The following DCXR variants were observed in gnomAD, a reference collection of about 807,000 sequenced individuals.
The protein encoded by DCXR is L-xylulose reductase.
Under a neutral mutation model 25.9 loss-of-function variants are expected in DCXR, and 24 were observed. The ratio of observed to expected loss-of-function variants is 0.93; its 90% CI spans 0.67 to 1.30. DCXR has a LOEUF of 1.30. Among genes scored for constraint, DCXR ranks in the 50% most tolerant of loss-of-function variants. The pLI, the probability that DCXR is intolerant of heterozygous loss-of-function variation, is 0.00. For synonymous variants in DCXR, 161 were observed against 141.7 expected (o/e 1.14, Z -0.97); for missense variants, 348 against 333.7 (o/e 1.04, Z -0.33).
In DCXR at chr17:82,036,401, C is replaced by T. The variant is rs746517171; in HGVS notation, c.496G>A (p.Glu166Lys). The change falls in exon 6 of 8, where the codon GAG (glutamate) becomes AAG (lysine). Residue 166 changes from glutamate (E) to lysine (K), a missense_variant. Glu to Lys is a moderately conservative substitution (Grantham distance 56). Transcript: ENST00000306869. Reference protein sequence around the residue: ...LDMLTKVMALELGPHKIRVNA... With the variant: ...LDMLTKVMALKLGPHKIRVNA... Reference sequence around the variant, plus strand: ...CTGCTCACCTTGTGGGGCCCGAGCTCTAGGGCCATCACCTTGGTCAGCATG... The same window carrying T: ...CTGCTCACCTTGTGGGGCCCGAGCTTTAGGGCCATCACCTTGGTCAGCATG... The T allele has an allele frequency of 3.1e-6, 5 of 1,613,424 alleles. No homozygotes were observed. The highest frequency in any genetic ancestry group is 4.2e-6 in the Non-Finnish European group (5 of 1,179,992).
At position 82,037,482 on chromosome 17, in the gene DCXR, T is replaced by G. The variant is rs748809586; in HGVS notation, c.118A>C (p.Thr40Pro). 3.9e-6 allele frequency: 6 copies of G among 1,535,768 alleles called. No homozygotes were observed. Among genetic ancestry groups the G allele is most frequent in the East Asian group, 2.5e-5 (1 of 40,624 alleles). The change falls in exon 2 of 8, where the codon ACT (threonine) becomes CCT (proline). Residue 40 changes from threonine to proline, a missense_variant. Physicochemically the swap from Thr to Pro is conservative, Grantham distance 38. Transcript: ENST00000306869. ...TGARVVAVSRTQADLDSLVRE... is the reference protein window; with the variant it reads ...TGARVVAVSRPQADLDSLVRE... ...ACAAGGCTGTCAAGATCCGCCTGAG[T>G]CCGGCTCACAGCCACCACCCGCGCG... is the stretch of plus-strand genomic sequence containing the variant.
In DCXR at chr17:82,037,340, G is replaced by A. The variant is rs972805562; in HGVS notation, c.150+110C>T. 20 of 1,234,456 alleles carry A rather than the reference G, an allele frequency of 1.6e-5. No homozygotes were observed. The African/African-American group carries it at 3.2e-4, about 20-fold the overall frequency. 76.5% of individuals were successfully genotyped at this position (1,234,456 alleles called of 1,614,324 possible). A position where few individuals can be genotyped will look rare whatever the true frequency, so the allele number is the denominator to read the frequency against. ...GCGGGCGCCCAGGCCGCGGTGAGAA[G>A]CGCAGCGCCCGCGAGGGGAGGCGGA... On this transcript the variant is annotated intron_variant, in intron 2 of 7. Coordinates refer to ENST00000306869, the MANE Select transcript of DCXR (RefSeq NM_016286.4).
chr17:82,037,127 G>C, intron 2 of DCXR, 114 bp from the exon 3 acceptor site: 2 of 1,378,148 alleles, frequency 1.5e-6, no homozygotes, highest in Non-Finnish European at 2.0e-6. Flanking sequence ...GAGTTCCGAA[G>C]GTGTCGGGAC....
intron 2 of DCXR, 57 bp downstream of exon 2, chr17:82,037,393 C>A: frequency 1.3e-6 from 2 of 1,484,038 alleles, no homozygotes; most frequent in Non-Finnish European, 1.8e-6. Flanking sequence ...CGCCCCCGCT[C>A]GCTGCCGCCC....
In DCXR at chr17:82,036,076, CG is replaced by C; in HGVS notation, c.632-14del. On this transcript the variant is annotated splice_polypyrimidine_tract_variant and intron_variant, in intron 7 of 7. Transcript: ENST00000306869. ...ACGTGCTCTACCTCTGTGGGCAGGG[CG>C]GGGGTCAGGGGCATAGAGGAAGGAG... is the stretch of plus-strand genomic sequence containing the variant. 4 of 1,612,372 alleles carry C rather than the reference CG, an allele frequency of 2.5e-6. No individual in the cohort carries two copies. Among genetic ancestry groups the C allele is most frequent in the Middle Eastern group, 1.6e-4 (1 of 6,062 alleles).
chr17:82,037,335 G>A lies in DCXR; in HGVS notation c.150+115C>T, dbSNP rs1471181319. On this transcript the variant is annotated intron_variant, in intron 2 of 7. Coordinates refer to ENST00000306869, the MANE Select transcript of DCXR (RefSeq NM_016286.4). ...GGTGCGCGGGCGCCCAGGCCGCGGT[G>A]AGAAGCGCAGCGCCCGCGAGGGGAG... 4 of 1,201,178 alleles carry A rather than the reference G, an allele frequency of 3.3e-6. No homozygotes were observed. The East Asian group carries it at 1.2e-4, about 35-fold the overall frequency. The allele number at this position is 1,201,178 out of a possible 1,614,324, so 74.4% of individuals were successfully genotyped here.
In DCXR at chr17:82,037,511, G is replaced by A. The variant is rs753772586; in HGVS notation, c.89C>T (p.Thr30Met). The A allele has an allele frequency of 2.6e-5, 40 of 1,541,278 alleles. 1 individual carries two copies. In the South Asian group the frequency reaches 3.7e-4, roughly 14 times the overall value. Residue 30 changes from threonine to methionine, a missense_variant, in exon 2 of 8, where the codon ACG becomes ATG. By Grantham distance (81) the Thr-to-Met change is moderately conservative. Coordinates refer to ENST00000306869, the MANE Select transcript of DCXR (RefSeq NM_016286.4). ...GCTCACAGCCACCACCCGCGCGCCC[G>A]TCGCGTGCAGCGCCTGGACCGTGCC... ...GRGTVQALHATGARVVAVSRT... is the reference protein window; with the variant it reads ...GRGTVQALHAMGARVVAVSRT...
At position 82,037,519 on chromosome 17, in the gene DCXR, C is replaced by A. The variant is rs2043507317; in HGVS notation, c.81G>T (p.Leu27=). The change falls in exon 2 of 8, where the codon CTG becomes CTT. Residue 27 remains leucine (L), a synonymous_variant. Transcript: ENST00000306869. ...KGIGRGTVQA[L]HATGARVVAV... ...CCACCACCCGCGCGCCCGTCGCGTG[C>A]AGCGCCTGGACCGTGCCGCGCCCTA... 4 of 1,542,330 alleles carry A rather than the reference C, an allele frequency of 2.6e-6. No homozygotes were observed. The highest frequency in any genetic ancestry group is 3.5e-6 in the Non-Finnish European group (4 of 1,151,284).
At position 82,036,854 on chromosome 17, in the gene DCXR, C is replaced by T; in HGVS notation, c.305+5G>A. 1 of 1,613,434 alleles carries T rather than the reference C, an allele frequency of 6.2e-7. No homozygotes were observed. Among genetic ancestry groups the T allele is most frequent in the Non-Finnish European group, 8.5e-7 (1 of 1,179,976 alleles). ...CCTGAGGTTCCTCCGCCCTCACAGG[C>T]TCACCTGTCAAAGGCCTCCTTGGTG... On this transcript the variant is annotated splice_donor_5th_base_variant and intron_variant, in intron 3 of 7. Transcript: ENST00000306869.
chr17:82,035,906 A>C lies in DCXR; in HGVS notation c.*54T>G. ...TGGGCAGCAGAATCAGGTTTATTGG[A>C]GGGATTGGGGGTAGGATGAGCACGG... On this transcript the variant is annotated 3_prime_UTR_variant, in exon 8 of 8. Transcript: ENST00000306869. 1 of 1,471,984 alleles carries C rather than the reference A, an allele frequency of 6.8e-7. No homozygotes were observed. Among genetic ancestry groups the C allele is most frequent in the Non-Finnish European group, 9.5e-7 (1 of 1,057,132 alleles). 91.2% of individuals were successfully genotyped at this position (1,471,984 alleles called of 1,614,324 possible).
In DCXR at chr17:82,036,390, G is replaced by A; in HGVS notation, c.507C>T (p.Pro169=). Residue 169 remains proline (P), a synonymous_variant, in exon 6 of 8, where the codon CCC becomes CCT. Transcript: ENST00000306869. ...LTKVMALELG[P]HKIRVNAVNP... ...GTACCCCAGCCCTGCTCACCTTGTG[G>A]GGCCCGAGCTCTAGGGCCATCACCT... 1 of 1,613,298 alleles carries A rather than the reference G, an allele frequency of 6.2e-7. No homozygotes were observed. Among genetic ancestry groups the A allele is most frequent in the Non-Finnish European group, 8.5e-7 (1 of 1,179,918 alleles).
Position 82,036,253 on chromosome 17 carries a change from GTGGCC to G in DCXR, c.564_568del (p.Gln188HisfsTer4). 1 of 1,613,694 alleles carries G rather than the reference GTGGCC, an allele frequency of 6.2e-7. No individual in the cohort carries two copies. ...CTTGGCCTTGTGGGGGTCACTCCAGGTGGCCTGGCCCATGGACGTCATCACCACTG... is the reference window on the plus strand; with the variant it reads ...CTTGGCCTTGTGGGGGTCACTCCAGGTGGCCCATGGACGTCATCACCACTG... On this transcript the variant is annotated frameshift_variant, in exon 7 of 8. Transcript: ENST00000306869. LOFTEE classifies it high-confidence loss of function.
rs1034161197 is a variant in DCXR at position 82,036,383 on chromosome 17, C to T, written c.513+1G>A. On this transcript the variant is annotated splice_donor_variant, in intron 6 of 7. Transcript: ENST00000306869. LOFTEE classifies it high-confidence loss of function. The stretch of plus-strand genomic sequence containing the variant: ...GGGGGAGGTACCCCAGCCCTGCTCA[C>T]CTTGTGGGGCCCGAGCTCTAGGGCC... The T allele has an allele frequency of 1.9e-6, 3 of 1,613,248 alleles. No individual in the cohort carries two copies. The African/African-American group carries it at 4.0e-5, about 22-fold the overall frequency.
Position 82,035,996 on chromosome 17 carries a change from G to A in DCXR, c.699C>T (p.Ser233=). ...LSDRSGMTTG[S]TLPVEGGFWA... ...AGAAGCCCCCTTCCACCGGCAAAGT[G>A]GAACCCGTGGTCATGCCACTTCGGT... Residue 233 remains serine, a synonymous_variant, in exon 8 of 8, where the codon TCC becomes TCT. Transcript: ENST00000306869. 6.2e-7 allele frequency: 1 copy of A among 1,613,302 alleles called. No individual in the cohort carries two copies. Among genetic ancestry groups the A allele is most frequent in the Non-Finnish European group, 8.5e-7 (1 of 1,180,018 alleles).
At position 82,036,494 on chromosome 17, in the gene DCXR, G is replaced by A. The variant is rs370292802; in HGVS notation, c.449-46C>T. On this transcript the variant is annotated intron_variant, in intron 5 of 7. Transcript: ENST00000306869. ...TGGCTGGGGCTGGGGTCGGTGATGA[G>A]GGCGAGGCTGGGGCTGGGGTGGGGC... 5.6e-6 allele frequency: 9 copies of A among 1,612,770 alleles called. No homozygotes were observed. The African/African-American group carries it at 1.1e-4, about 19-fold the overall frequency.
chr17:82,036,543 C>G lies in DCXR; in HGVS notation c.448+1G>C, dbSNP rs200134744. The G allele has an allele frequency of 1.2e-5, 20 of 1,612,922 alleles. No individual in the cohort carries two copies. The East Asian group carries it at 4.5e-4, about 36-fold the overall frequency. On this transcript the variant is annotated splice_donor_variant, in intron 5 of 7. Transcript: ENST00000306869. LOFTEE classifies it high-confidence loss of function. Reference sequence around the variant, plus strand: ...GCTGAGGGCACAGCTGGGGCACTCACAGTAGACGCTATGGTTAGTTACTGC... The same window carrying G: ...GCTGAGGGCACAGCTGGGGCACTCAGAGTAGACGCTATGGTTAGTTACTGC...
chr17:82,037,170 C>T, intron 2 of DCXR, 157 bp from the exon 3 acceptor site: 1 of 994,234 alleles, frequency 1.0e-6, no homozygotes, highest in East Asian at 2.6e-5. Context: ...TACCTCCGGC[C>T]GGTTCACTTC....
chr17:82,036,188 C>T lies in DCXR; in HGVS notation c.631+3G>A. On this transcript the variant is annotated splice_donor_region_variant and intron_variant, in intron 7 of 7. Coordinates refer to ENST00000306869, the MANE Select transcript of DCXR (RefSeq NM_016286.4). ...ACGCTGGCTGGGCTCCCACCTGACT[C>T]ACCAGCAAACTTGCCAAGTGGGATT... 6.2e-7 allele frequency: 1 copy of T among 1,613,332 alleles called. No homozygotes were observed. Among genetic ancestry groups the T allele is most frequent in the African/African-American group, 1.3e-5 (1 of 75,036 alleles).
At position 82,037,144 on chromosome 17, in the gene DCXR, G is replaced by A. The variant is rs528296711; in HGVS notation, c.151-131C>T. On this transcript the variant is annotated intron_variant, in intron 2 of 7. Transcript: ENST00000306869. The stretch of plus-strand genomic sequence containing the variant: ...GTTCCGAAGGTGTCGGGACTGTGGG[G>A]CCAGCAGCCGGGCGCTACCTCCGGC... 1,958 of 1,223,132 alleles carry A rather than the reference G, an allele frequency of 1.6e-3. 5 individuals carry two copies. Among genetic ancestry groups the A allele is most frequent in the Non-Finnish European group, 2.1e-3 (1,833 of 877,094 alleles). The allele number at this position is 1,223,132 out of a possible 1,614,324, so 75.8% of individuals were successfully genotyped here. A position where few individuals can be genotyped will look rare whatever the true frequency, so the allele number is the denominator to read the frequency against.
Sources: allele counts gnomAD v4.1 joint callset, GRCh38; gene constraint gnomAD v4.1.1; transcripts MANE v1.5; gene names NCBI Gene and HGNC (gene_info 2026-07-23, HGNC 2026-07-21).